The following CNGA1 variants were observed in gnomAD, a reference collection of about 807,000 sequenced individuals.
CNGA1 encodes cyclic nucleotide gated channel subunit alpha 1, also known as cyclic nucleotide-gated channel alpha-1.
CNGA1 carries 53 observed loss-of-function variants against 69.7 expected under a neutral mutation model. That is an observed-to-expected ratio of 0.76 (90% confidence interval 0.61 to 0.96). The LOEUF is 0.96. Ranked by LOEUF, CNGA1 falls within the 40% of genes least tolerant of loss-of-function variation. The probability of loss-of-function intolerance (pLI) is 0.00; values close to 1 mark genes in which losing one functional copy is unlikely to be tolerated. For missense variants in CNGA1, 739 were observed against 811.2 expected (o/e 0.91, Z 1.08); for synonymous variants, 249 against 283.5 (o/e 0.88, Z 1.22).
Position 47,943,209 on chromosome 4 carries a change from C to G in CNGA1, c.409G>C (p.Glu137Gln). Reference protein sequence around the residue: ...KKKDKEKKKKEEKSKDKKEEE... With the variant: ...KKKDKEKKKKQEKSKDKKEEE... ...TCTTTCTTATCTTTGCTTTTCTCCT[C>G]TTTCTTTTTCTTCTCTTTGTCCTTT... is the stretch of plus-strand genomic sequence containing the variant. Residue 137 changes from glutamate (E) to glutamine (Q), a missense_variant, in exon 8 of 11, where the codon GAG (glutamate) becomes CAG (glutamine). Glu to Gln is a conservative substitution (Grantham distance 29). Coordinates refer to ENST00000514170, the MANE Select transcript of CNGA1 (RefSeq NM_001379270.1). 1 of 1,607,420 alleles carries G rather than the reference C, an allele frequency of 6.2e-7. No homozygotes were observed. The highest frequency in any genetic ancestry group is 8.5e-7 in the Non-Finnish European group (1 of 1,177,218).
intron 5 of CNGA1, among the ~76,000 whole-genome samples, chr4:47,951,038 C>T (rs913268841): frequency 1.3e-5 from 2 of 152,168 alleles, no homozygotes; most frequent in African/African-American, 4.8e-5. Flanking sequence ...ACTTGGAACG[C>T]CATGGCCATA....
At chr4:48,005,367 T>G (rs941112668) in intron 2 of CNGA1, among the ~76,000 whole-genome samples, 12 of 152,062 alleles carry the variant, frequency 7.9e-5, no homozygotes, top group African/African-American at 2.9e-4. Context: ...CCATCCACCT[T>G]GGACTTCCAA....
intron 3 of CNGA1, among the ~76,000 whole-genome samples, chr4:47,953,761 T>C (rs557071107): frequency 3.9e-5 from 6 of 152,298 alleles, no homozygotes; most frequent in Middle Eastern, 3.4e-3. Context: ...TTTCTGTTCA[T>C]GGTCCTCAGG....
chr4:47,964,526 T>A (rs1339008429), intron 3 of CNGA1, among the ~76,000 whole-genome samples: 1 of 152,056 alleles, frequency 6.6e-6, no homozygotes, highest in East Asian at 1.9e-4. Flanking sequence ...TTATAAATAT[T>A]TTCCCCACTT....
chr4:47,944,046 T>G (rs1739253957), intron 6 of CNGA1, among the ~76,000 whole-genome samples: 1 of 152,212 alleles, frequency 6.6e-6, no homozygotes. Context: ...CAGACAGACC[T>G]AGGGTTATAG....
chr4:48,009,894 A>G (rs1388000412), intron 2 of CNGA1, among the ~76,000 whole-genome samples: 1 of 152,204 alleles, frequency 6.6e-6, no homozygotes, highest in Admixed American at 6.5e-5. Context: ...CTTTAAGCCA[A>G]TTAATTAGAG....
At chr4:47,949,209 C>T (rs1414952575) in intron 6 of CNGA1, among the ~76,000 whole-genome samples, 1 of 152,138 alleles carries the variant, frequency 6.6e-6, no homozygotes, top group Non-Finnish European at 1.5e-5. Context: ...CCTTGGCTGG[C>T]CTTGGCTGAA....
chr4:47,940,660 T>C (rs1236159849), intron 10 of CNGA1, 103 bp downstream of exon 10: 9 of 844,328 alleles, frequency 1.1e-5, no homozygotes, highest in Non-Finnish European at 1.8e-5. Flanking sequence ...GAACAGATTT[T>C]TGTGAGTTTT....
At chr4:47,941,206 G>T (rs563116130) in intron 9 of CNGA1, among the ~76,000 whole-genome samples, 11 of 152,286 alleles carry the variant, frequency 7.2e-5, no homozygotes, top group Admixed American at 6.5e-4. Flanking sequence ...TAACAAAAAT[G>T]TATTGAACTT....
At chr4:48,012,006 T>C (rs1715187991) in intron 1 of CNGA1, among the ~76,000 whole-genome samples, 1 of 152,194 alleles carries the variant, frequency 6.6e-6, no homozygotes, top group Non-Finnish European at 1.5e-5. Context: ...TTAACAGAGA[T>C]TCTTTAAAGA....
In CNGA1 at chr4:48,006,292, G is replaced by A. The variant is rs189346384; in HGVS notation, c.-123+4502C>T. Reference sequence around the variant, plus strand: ...AACCAAAAAAAGACAATAATTGTCTGTGGATGACAAAAAGTTTTAGGGCAG... The same window carrying A: ...AACCAAAAAAAGACAATAATTGTCTATGGATGACAAAAAGTTTTAGGGCAG... On this transcript the variant is annotated intron_variant, in intron 2 of 10. Coordinates refer to ENST00000514170, the MANE Select transcript of CNGA1 (RefSeq NM_001379270.1). Among the ~76,000 whole-genome samples the A allele has an allele frequency of 1.6e-3, 236 of 152,222 alleles. 2 individuals are homozygous for A. In the East Asian group the frequency reaches 0.03, roughly 20 times the overall value.
chr4:47,972,785 A>T (rs998857024), intron 3 of CNGA1, among the ~76,000 whole-genome samples: 18 of 152,226 alleles, frequency 1.2e-4, no homozygotes, highest in Non-Finnish European at 2.5e-4. Context: ...TCCCACAAGT[A>T]ACTATGTACC....
intron 3 of CNGA1, among the ~76,000 whole-genome samples, chr4:47,964,856 G>A (rs532552988): frequency 6.6e-6 from 1 of 151,860 alleles, no homozygotes; most frequent in East Asian, 1.9e-4. Context: ...TGTTCCTTTT[G>A]TCATTAGCTT....
At chr4:47,949,795 A>C in intron 6 of CNGA1, 38 bp downstream of exon 6, 1 of 1,569,102 alleles carries the variant, frequency 6.4e-7, no homozygotes. Context: ...GTTTTCTTTA[A>C]AACCAAAACT....
chr4:47,955,265 C>T (rs555029198), intron 3 of CNGA1, among the ~76,000 whole-genome samples: 1 of 146,924 alleles, frequency 6.8e-6, no homozygotes, highest in African/African-American at 2.5e-5. Context: ...TCACTGCAAC[C>T]TCTGCCTCCT....
At chr4:47,959,800 T>A (rs1270805836) in intron 3 of CNGA1, among the ~76,000 whole-genome samples, 1 of 152,102 alleles carries the variant, frequency 6.6e-6, no homozygotes, top group Admixed American at 6.5e-5. Context: ...GAGTCGGGGT[T>A]TCACCATGTT....
intron 1 of CNGA1, among the ~76,000 whole-genome samples, chr4:48,012,389 CA>C (rs1560318071): frequency 6.6e-6 from 1 of 152,058 alleles, no homozygotes; most frequent in Non-Finnish European, 1.5e-5. Context: ...AACAAAGGCA[CA>C]ACCTTAGCTA....
chr4:47,948,247 G>T (rs1185299047), intron 6 of CNGA1, among the ~76,000 whole-genome samples: 1 of 151,626 alleles, frequency 6.6e-6, no homozygotes, highest in Non-Finnish European at 1.5e-5. Context: ...ATCATAAGCT[G>T]CACACCTTTG....
intron 1 of CNGA1, among the ~76,000 whole-genome samples, chr4:48,015,204 ACAAACAAG>A (rs1429850057): frequency 2.0e-5 from 3 of 152,096 alleles, no homozygotes; most frequent in Admixed American, 2.0e-4. Flanking sequence ...AGCCAAACAA[ACAAACAAG>A]CAAACAAAAA....
Sources: gnomAD v4.1 joint callset for allele counts (sites outside exome capture counted in the v4.1 genomes callset) on GRCh38, gnomAD v4.1.1 for gene constraint, MANE v1.5 for transcripts, NCBI Gene and HGNC (gene_info 2026-07-23, HGNC 2026-07-21) for gene names.